MINDY2: variants seen among roughly 807,000 people sequenced by gnomAD.
MINDY2 encodes the protein ubiquitin carboxyl-terminal hydrolase MINDY-2.
Under a neutral mutation model 68.2 loss-of-function variants are expected in MINDY2, and 52 were observed. That is an observed-to-expected ratio of 0.76 (90% confidence interval 0.61 to 0.96). The LOEUF is 0.96. Among genes scored for constraint, MINDY2 ranks in the 40% least tolerant of loss-of-function variants. The pLI is 0.00. For missense variants in MINDY2, 881 were observed against 773.4 expected (o/e 1.14, Z -1.65); for synonymous variants, 372 against 303.0 (o/e 1.23, Z -2.36).
At chr15:58,852,287 CAAAAAA>C (rs60365490) in intron 8 of MINDY2, among the ~76,000 whole-genome samples, 15 of 61,924 alleles carry the variant, frequency 2.4e-4, no homozygotes, top group South Asian at 1.0e-3. Context: ...GACTCCTTCT[CAAAAAA>C]AAAAAAAAAA....
At chr15:58,841,861 A>G (rs1174577256) in intron 6 of MINDY2, among the ~76,000 whole-genome samples, 1 of 152,126 alleles carries the variant, frequency 6.6e-6, no homozygotes, top group Non-Finnish European at 1.5e-5. Context: ...TTGTAAATAA[A>G]CCATTTCTGT....
chr15:58,824,985 T>C (rs1208589239), intron 5 of MINDY2, among the ~76,000 whole-genome samples: 4 of 152,288 alleles, frequency 2.6e-5, no homozygotes, highest in African/African-American at 9.6e-5. Context: ...TATATCATAT[T>C]ATCTTGAGTG....
intron 1 of MINDY2, among the ~76,000 whole-genome samples, chr15:58,783,334 C>T (rs1292218998): frequency 1.3e-5 from 2 of 152,092 alleles, no homozygotes; most frequent in African/African-American, 2.4e-5. Context: ...TTGTTGAGTA[C>T]TTATTATATT....
Position 58,771,603 on chromosome 15 carries a change from G to T in MINDY2, c.208G>T (p.Ala70Ser), listed in dbSNP as rs1460705527. The T allele has an allele frequency of 4.3e-6, 7 of 1,611,832 alleles. No individual in the cohort carries two copies. The South Asian group carries it at 7.7e-5, about 18-fold the overall frequency. Residue 70 changes from alanine to serine, a missense_variant, in exon 1 of 9, where the codon GCG (alanine) becomes TCG (serine). Coordinates refer to ENST00000559228, the MANE Select transcript of MINDY2 (RefSeq NM_001040450.3). ...GAGCCTCCCGGACTCGGCTTCTCCC[G>T]CGGGCTCTCCTGAGGTTCCCGGACC... is the stretch of plus-strand genomic sequence containing the variant. ...RRSLPDSASPAGSPEVPGPCS... is the reference protein window; with the variant it reads ...RRSLPDSASPSGSPEVPGPCS...
At chr15:58,802,614 T>C (rs1456249109) in intron 3 of MINDY2, among the ~76,000 whole-genome samples, 5 of 152,186 alleles carry the variant, frequency 3.3e-5, no homozygotes, top group African/African-American at 9.6e-5. Flanking sequence ...TTCTCATTTT[T>C]TTCTCAGTAT....
In MINDY2 at chr15:58,854,693, C is replaced by T. The variant is rs896571516; in HGVS notation, c.*83C>T. 6 of 1,438,912 alleles carry T rather than the reference C, an allele frequency of 4.2e-6. No homozygotes were observed. The highest frequency in any genetic ancestry group is 5.5e-6 in the Non-Finnish European group (6 of 1,082,116). 89.1% of individuals were successfully genotyped at this position (1,438,912 alleles called of 1,614,324 possible). ...GAAAGGAAGAAAAACCGATCAATAC[C>T]GTCTGTGCCTGATTTCCTAATGGAT... On this transcript the variant is annotated 3_prime_UTR_variant, in exon 9 of 9. Transcript: ENST00000559228.
At chr15:58,774,492 G>GAAAAAAAAAAA (rs11385535) in intron 1 of MINDY2, among the ~76,000 whole-genome samples, 1 of 92,826 alleles carries the variant, frequency 1.1e-5, no homozygotes. Context: ...CCCAAAAAAA[G>GAAAAAAAAAAA]AAAAAAAAAA....
At chr15:58,828,716 A>G (rs2141014447) in intron 5 of MINDY2, among the ~76,000 whole-genome samples, 1 of 150,096 alleles carries the variant, frequency 6.7e-6, no homozygotes, top group African/African-American at 2.5e-5. Flanking sequence ...GCCTGCCACC[A>G]TGCCTGGCTA....
intron 3 of MINDY2, among the ~76,000 whole-genome samples, chr15:58,803,327 G>T (rs974564443): frequency 2.0e-5 from 3 of 151,926 alleles, no homozygotes; most frequent in African/African-American, 7.3e-5. Context: ...AATTAGCTGG[G>T]CATGGTGATG....
At chr15:58,803,182 G>C (rs1206303023) in intron 3 of MINDY2, among the ~76,000 whole-genome samples, 1 of 152,070 alleles carries the variant, frequency 6.6e-6, no homozygotes, top group African/African-American at 2.4e-5. Flanking sequence ...AAATCAACAA[G>C]TTGGCTGGGC....
chr15:58,846,595 CAA>C (rs11335033), intron 6 of MINDY2, among the ~76,000 whole-genome samples: 53,734 of 97,492 alleles, frequency 0.55, 12,176 homozygotes, highest in Middle Eastern at 0.72. Flanking sequence ...TGAGACTCCT[CAA>C]AAAAAAAAAA....
intron 3 of MINDY2, among the ~76,000 whole-genome samples, chr15:58,809,521 A>G (rs1046149409): frequency 6.6e-6 from 1 of 152,168 alleles, no homozygotes; most frequent in Non-Finnish European, 1.5e-5. Context: ...TGTTGCAATG[A>G]GCGTGGGTGT....
chr15:58,823,218 A>T (rs1431915498), intron 5 of MINDY2, among the ~76,000 whole-genome samples: 1 of 149,312 alleles, frequency 6.7e-6, no homozygotes. Flanking sequence ...GCTCACTGCA[A>T]CCTCCGCCTC....
intron 1 of MINDY2, among the ~76,000 whole-genome samples, chr15:58,787,225 C>G (rs1380286671): frequency 2.0e-5 from 3 of 147,718 alleles, no homozygotes; most frequent in African/African-American, 7.5e-5. Flanking sequence ...AACTCCTGAC[C>G]TCAAGTGATC....
chr15:58,826,522 C>T (rs997211349), intron 5 of MINDY2, among the ~76,000 whole-genome samples: 17 of 152,104 alleles, frequency 1.1e-4, no homozygotes, highest in Non-Finnish European at 1.6e-4. Context: ...AGCCACTGCA[C>T]CTGGCCCCAC....
rs578021876 is a variant in MINDY2 at position 58,816,238 on chromosome 15, C to T, written c.1123-5479C>T. Among the ~76,000 whole-genome samples, 19 of 152,240 alleles carry T rather than the reference C, an allele frequency of 1.2e-4. No individual in the cohort carries two copies. The East Asian group carries it at 2.3e-3, about 19-fold the overall frequency. On this transcript the variant is annotated intron_variant, in intron 4 of 8. Transcript: ENST00000559228. ...TTCAGGAGAATGGAAGGATGGCTTACTATAAGCAAGGCAACTCTGAGAATT... is the reference window on the plus strand; with the variant it reads ...TTCAGGAGAATGGAAGGATGGCTTATTATAAGCAAGGCAACTCTGAGAATT...
chr15:58,793,786 A>G (rs556428866), intron 2 of MINDY2, among the ~76,000 whole-genome samples: 1 of 152,306 alleles, frequency 6.6e-6, no homozygotes, highest in Admixed American at 6.5e-5. Flanking sequence ...TCAATGAAAT[A>G]GGAAACAAAG....
intron 5 of MINDY2, among the ~76,000 whole-genome samples, chr15:58,828,487 C>T (rs2031535056): frequency 6.6e-6 from 1 of 151,392 alleles, no homozygotes; most frequent in Non-Finnish European, 1.5e-5. Context: ...ACTTCACCAT[C>T]TTTAAGGCAT....
intron 2 of MINDY2, among the ~76,000 whole-genome samples, chr15:58,792,164 T>C (rs1197258186): frequency 3.3e-5 from 5 of 152,170 alleles, no homozygotes; most frequent in Non-Finnish European, 7.4e-5. Context: ...CCCTCACACC[T>C]AGCCAGTAGA....
Sources: gnomAD v4.1 joint callset for allele counts (sites outside exome capture counted in the v4.1 genomes callset) on GRCh38, gnomAD v4.1.1 for gene constraint, MANE v1.5 for transcripts, NCBI Gene and HGNC (gene_info 2026-07-23, HGNC 2026-07-21) for gene names.